Variants in EXOC4 observed in about 807,000 individuals in gnomAD.
The protein encoded by EXOC4 is exocyst complex component 4, also known as SEC8-like 1.
In EXOC4, 71 loss-of-function variants were observed where a neutral mutation model predicts 107.2. That is an observed-to-expected ratio of 0.66 (90% CI 0.55 to 0.81). The LOEUF is 0.81. EXOC4 is among the 30% of genes least tolerant of loss of function. The pLI is 0.00. For missense variants in EXOC4, 1,108 were observed against 1,189.6 expected, an observed-to-expected ratio of 0.93 and a Z score of 1.01; for synonymous variants, 456 against 441.2, an observed-to-expected ratio of 1.03 and a Z score of -0.42.
chr7:133,254,695 G>T (rs17166977), intron 1 of EXOC4, among the ~76,000 whole-genome samples: 1 of 152,106 alleles, frequency 6.6e-6, no homozygotes, highest in Non-Finnish European at 1.5e-5. Flanking sequence ...TGTTACCCTT[G>T]AGGAGAGTAT....
chr7:133,850,397 T>G (rs1798216059), intron 11 of EXOC4, among the ~76,000 whole-genome samples: 1 of 152,150 alleles, frequency 6.6e-6, no homozygotes, highest in Admixed American at 6.5e-5. Flanking sequence ...CCAAGTAGGT[T>G]TGGAAAAAAT....
intron 10 of EXOC4, among the ~76,000 whole-genome samples, chr7:133,668,482 CAT>C (rs1049408318): frequency 6.6e-6 from 1 of 152,196 alleles, no homozygotes; most frequent in African/African-American, 2.4e-5. Flanking sequence ...TGCATTTTCT[CAT>C]AGACATCATC....
chr7:133,962,446 C>T (rs1324152377), intron 14 of EXOC4, among the ~76,000 whole-genome samples: 1 of 152,058 alleles, frequency 6.6e-6, no homozygotes, highest in Non-Finnish European at 1.5e-5. Context: ...GTAGATGACA[C>T]TCTCATTAGG....
the EXOC4 span, among the ~76,000 whole-genome samples, chr7:134,094,978 G>T: frequency 2.0e-5 from 3 of 151,896 alleles, no homozygotes; most frequent in African/African-American, 7.3e-5. Flanking sequence ...GCAAAAGAAA[G>T]AAATAAAAGG....
At chr7:134,033,380 A>G (rs2116487015) in intron 17 of EXOC4, among the ~76,000 whole-genome samples, 1 of 152,306 alleles carries the variant, frequency 6.6e-6, no homozygotes, top group Admixed American at 6.5e-5. Context: ...TCAGAGGACC[A>G]GAATAAAACA....
intron 10 of EXOC4, among the ~76,000 whole-genome samples, chr7:133,670,949 A>C (rs915259745): frequency 2.0e-5 from 3 of 152,130 alleles, no homozygotes; most frequent in Admixed American, 2.0e-4. Context: ...GCTAAGGAGG[A>C]GTCAGATAGG....
At chr7:133,541,033 G>T (rs1800369665) in intron 9 of EXOC4, among the ~76,000 whole-genome samples, 1 of 151,986 alleles carries the variant, frequency 6.6e-6, no homozygotes. Flanking sequence ...GAAAACCGTG[G>T]CACATCTGAA....
chr7:133,315,419 G>T (rs1195368395), intron 4 of EXOC4: 3 of 152,158 alleles, frequency 2.0e-5, no homozygotes, highest in African/African-American at 7.2e-5. Flanking sequence ...CATTAGGGTG[G>T]CACGGAAAGA....
At chr7:133,910,917 G>A (rs1395690481) in intron 12 of EXOC4, among the ~76,000 whole-genome samples, 1 of 152,146 alleles carries the variant, frequency 6.6e-6, no homozygotes, top group African/African-American at 2.4e-5. Context: ...GAAAGACTCA[G>A]CACCCCAGCT....
At chr7:133,949,871 C>T (rs945253542) in intron 14 of EXOC4, among the ~76,000 whole-genome samples, 60 of 141,434 alleles carry the variant, frequency 4.2e-4, no homozygotes, top group African/African-American at 1.5e-3. Flanking sequence ...TTTTAAGAAA[C>T]GCAAACTTGA....
At chr7:133,882,847 T>C (rs1192154216) in intron 11 of EXOC4, among the ~76,000 whole-genome samples, 2 of 152,180 alleles carry the variant, frequency 1.3e-5, no homozygotes, top group African/African-American at 4.8e-5. Flanking sequence ...TTATGAGTTA[T>C]CTGAGCAATG....
At chr7:133,866,150 A>G (rs1396767501) in intron 11 of EXOC4, among the ~76,000 whole-genome samples, 2 of 152,240 alleles carry the variant, frequency 1.3e-5, no homozygotes, top group African/African-American at 4.8e-5. Context: ...TTTCATATAT[A>G]TATAATCTCA....
At chr7:133,862,069 G>T (rs530692354) in intron 11 of EXOC4, among the ~76,000 whole-genome samples, 5 of 151,942 alleles carry the variant, frequency 3.3e-5, no homozygotes, top group Admixed American at 1.3e-4. Context: ...GTCAGCAGTT[G>T]CTGTGTACCT....
At position 133,867,056 on chromosome 7, in the gene EXOC4, C is replaced by T. The variant is rs114124812; in HGVS notation, c.1735-28543C>T. On this transcript the variant is annotated intron_variant, in intron 11 of 17. Transcript: ENST00000253861. ...TCCACTCATGCCAGTCAAACTCAAC[C>T]ACTGGAGCCTGTATGGAAACTAGTG... Among the ~76,000 whole-genome samples the T allele has an allele frequency of 2.7e-3, 414 of 152,326 alleles. 5 individuals are homozygous for T. The highest frequency in any genetic ancestry group is 9.5e-3 in the African/African-American group (395 of 41,572).
At chr7:134,076,629 A>G in the EXOC4 span, among the ~76,000 whole-genome samples, 2 of 151,842 alleles carry the variant, frequency 1.3e-5, no homozygotes, top group African/African-American at 4.8e-5. Flanking sequence ...TCTTTAACAT[A>G]TATGTACATA....
intron 14 of EXOC4, among the ~76,000 whole-genome samples, chr7:133,939,656 C>G (rs1800383112): frequency 6.6e-6 from 1 of 152,070 alleles, no homozygotes; most frequent in Non-Finnish European, 1.5e-5. Flanking sequence ...ACCACCATGC[C>G]CAACTCTAAA....
At chr7:133,483,459 C>T (rs910433829) in intron 9 of EXOC4, among the ~76,000 whole-genome samples, 4 of 152,176 alleles carry the variant, frequency 2.6e-5, no homozygotes, top group Non-Finnish European at 4.4e-5. Context: ...GAATTTTACT[C>T]TGTGAGGATG....
intron 3 of EXOC4, among the ~76,000 whole-genome samples, chr7:133,297,216 AT>A (rs1794539435): frequency 6.6e-6 from 1 of 152,150 alleles, no homozygotes; most frequent in African/African-American, 2.4e-5. Flanking sequence ...TAGTCTGATT[AT>A]TTGGTCAAAT....
intron 9 of EXOC4, among the ~76,000 whole-genome samples, chr7:133,558,753 A>G (rs1186318988): frequency 1.3e-5 from 2 of 152,100 alleles, no homozygotes; most frequent in African/African-American, 4.8e-5. Context: ...TCATCTTAAG[A>G]TATCAGAGTT....
Sources: allele counts gnomAD v4.1 joint callset (sites outside exome capture counted in the v4.1 genomes callset), GRCh38; gene constraint gnomAD v4.1.1; transcripts MANE v1.5; gene names NCBI Gene and HGNC (gene_info 2026-07-23, HGNC 2026-07-21).